The following USO1 variants were observed in gnomAD, a reference collection of about 807,000 sequenced individuals.
The protein encoded by USO1 is USO1 vesicle transport factor.
A neutral mutation model predicts 124.5 loss-of-function variants in USO1; 57 were observed. That is an observed-to-expected ratio of 0.46 (90% CI 0.37 to 0.57). USO1 has a LOEUF of 0.57. Ranked by LOEUF, USO1 falls within the 20% of genes least tolerant of loss-of-function variation. The pLI, the probability that USO1 is intolerant of heterozygous loss-of-function variation, is 0.00. For synonymous variants in USO1, 369 were observed against 362.8 expected (o/e 1.02, Z -0.19); for missense variants, 900 against 1,040.6 (o/e 0.86, Z 1.86).
At chr4:75,768,679 A>G (rs976937206) in intron 4 of USO1, among the ~76,000 whole-genome samples, 1 of 152,192 alleles carries the variant, frequency 6.6e-6, no homozygotes, top group Non-Finnish European at 1.5e-5. Context: ...ACTAGAATTG[A>G]TGAGATTGGA....
At chr4:75,736,872 G>A (rs1328311409) in intron 1 of USO1, among the ~76,000 whole-genome samples, 1 of 152,036 alleles carries the variant, frequency 6.6e-6, no homozygotes, top group African/African-American at 2.4e-5. Context: ...AAAACAGTGG[G>A]CTAAATTGTA....
chr4:75,752,130 C>T (rs1721311342), intron 1 of USO1, among the ~76,000 whole-genome samples: 1 of 152,130 alleles, frequency 6.6e-6, no homozygotes, highest in Non-Finnish European at 1.5e-5. Context: ...TTTAATTCCT[C>T]AATTTATATG....
intron 1 of USO1, among the ~76,000 whole-genome samples, chr4:75,748,925 AAGT>A (rs1327195128): frequency 6.6e-6 from 1 of 151,110 alleles, no homozygotes; most frequent in Non-Finnish European, 1.5e-5. Flanking sequence ...AGAGATAACT[AAGT>A]AGTTTTTCTA....
intron 13 of USO1, among the ~76,000 whole-genome samples, chr4:75,796,933 AT>A (rs546706612): frequency 1.6e-3 from 164 of 104,428 alleles, no homozygotes; most frequent in African/African-American, 2.9e-3. Context: ...TTTGTTATGG[AT>A]TTTTTTTTTT....
intron 19 of USO1, 34 bp from the exon 20 acceptor site, chr4:75,806,452 T>C: frequency 3.9e-6 from 6 of 1,550,082 alleles, no homozygotes; most frequent in Non-Finnish European, 5.2e-6. Context: ...TTAGACTGAA[T>C]ATATTTTATA....
chr4:75,799,493 T>C, intron 13 of USO1, 129 bp from the exon 14 acceptor site: 1 of 1,053,472 alleles, frequency 9.5e-7, no homozygotes, highest in Non-Finnish European at 1.3e-6. Flanking sequence ...TTTTTAAAAC[T>C]GGATTTCTGG....
chr4:75,743,609 A>G (rs1417521957), intron 1 of USO1, among the ~76,000 whole-genome samples: 1 of 152,182 alleles, frequency 6.6e-6, no homozygotes, highest in Admixed American at 6.5e-5. Flanking sequence ...TTCCCAGCGT[A>G]GACCAGTGCC....
At chr4:75,746,992 C>G (rs575701139) in intron 1 of USO1, among the ~76,000 whole-genome samples, 14 of 152,154 alleles carry the variant, frequency 9.2e-5, no homozygotes, top group South Asian at 4.1e-4. Context: ...AATTTGCTAA[C>G]ATTTATTGAA....
chr4:75,767,637 G>A (rs563340475), intron 4 of USO1: 15 of 285,786 alleles, frequency 5.2e-5, no homozygotes, highest in African/African-American at 1.2e-4. Flanking sequence ...CCAGCTACTC[G>A]GGAGGCTGAG....
intron 1 of USO1, among the ~76,000 whole-genome samples, chr4:75,738,388 CGGAG>C (rs2149141996): frequency 6.6e-6 from 1 of 151,546 alleles, no homozygotes; most frequent in East Asian, 2.0e-4. Flanking sequence ...ACCTGGGAGG[CGGAG>C]GTTGCAGTGA....
chr4:75,808,876 A>C, intron 20 of USO1, 77 bp from the exon 21 acceptor site: 1 of 1,444,156 alleles, frequency 6.9e-7, no homozygotes, highest in East Asian at 2.6e-5. Context: ...TCATTTTTTT[A>C]AATGTCTCCC....
At chr4:75,747,900 C>CTTTTT (rs34689475) in intron 1 of USO1, among the ~76,000 whole-genome samples, 2 of 44,318 alleles carry the variant, frequency 4.5e-5, no homozygotes, top group Non-Finnish European at 8.0e-5. Flanking sequence ...CTCACCTGGC[C>CTTTTT]TTTTTTTTTT....
chr4:75,799,530 C>A, intron 13 of USO1, 92 bp from the exon 14 acceptor site: 2 of 1,421,896 alleles, frequency 1.4e-6, no homozygotes, highest in Middle Eastern at 2.4e-4. Flanking sequence ...TGTTAAAGTT[C>A]TTTTCATGCA....
chr4:75,775,108 GGAGTT>G (rs1391060477), intron 8 of USO1, among the ~76,000 whole-genome samples: 1 of 152,156 alleles, frequency 6.6e-6, no homozygotes, highest in Non-Finnish European at 1.5e-5. Context: ...TTGGTGATAG[GGAGTT>G]GAGTTGAAGG....
intron 1 of USO1, 101 bp downstream of exon 1, chr4:75,724,986 A>AG (rs766190862): frequency 3.0e-6 from 4 of 1,345,352 alleles, no homozygotes; most frequent in Non-Finnish European, 4.1e-6. Flanking sequence ...CCCACCATGG[A>AG]GGGGGCATCC....
At chr4:75,733,359 CTGTTT>C in intron 1 of USO1, among the ~76,000 whole-genome samples, 1 of 152,166 alleles carries the variant, frequency 6.6e-6, no homozygotes, top group Non-Finnish European at 1.5e-5. Context: ...AATGGTAGTT[CTGTTT>C]TAAGTTCTTT....
Position 75,767,584 on chromosome 4 carries a change from C to T in USO1, c.296-2855C>T, listed in dbSNP as rs1187320143. ...ACAGTGAAACCCCATCTATACTAAA[C>T]GTAGAAAAAATTAGCCGGGCGTGGT... On this transcript the variant is annotated intron_variant, in intron 4 of 23. Coordinates refer to ENST00000514213, the MANE Select transcript of USO1 (RefSeq NM_003715.4). 4 of 273,526 alleles carry T rather than the reference C, an allele frequency of 1.5e-5. No individual in the cohort carries two copies. The East Asian group carries it at 4.2e-4, about 29-fold the overall frequency. 16.9% of individuals were successfully genotyped at this position (273,526 alleles called of 1,614,324 possible).
chr4:75,802,736 CTTTT>C (rs997798305), intron 17 of USO1, among the ~76,000 whole-genome samples: 16 of 63,738 alleles, frequency 2.5e-4, no homozygotes, highest in African/African-American at 9.9e-4. Flanking sequence ...TTTTTCTTTT[CTTTT>C]TTTTTTTTTT....
chr4:75,790,901 G>C, intron 12 of USO1, 104 bp downstream of exon 12: 1 of 1,267,392 alleles, frequency 7.9e-7, no homozygotes. Flanking sequence ...TACTTTGCAT[G>C]CTTAGGAGAG....
Sources: allele counts gnomAD v4.1 joint callset (sites outside exome capture counted in the v4.1 genomes callset), GRCh38; gene constraint gnomAD v4.1.1; transcripts MANE v1.5; gene names NCBI Gene and HGNC (gene_info 2026-07-23, HGNC 2026-07-21).